The following SBNO1 variants were observed in gnomAD, a reference collection of about 807,000 sequenced individuals.
SBNO1 encodes the protein protein strawberry notch homolog 1.
A neutral mutation model predicts 173.6 loss-of-function variants in SBNO1; 23 were observed. That is an observed-to-expected ratio of 0.13 (90% CI 0.10 to 0.19). The LOEUF (loss-of-function observed/expected upper bound fraction) is 0.19. Among genes scored for constraint, SBNO1 ranks in the 10% least tolerant of loss-of-function variants. The pLI, the probability that SBNO1 is intolerant of heterozygous loss-of-function variation, is 1.00. For missense variants in SBNO1, 1,238 were observed against 1,671.2 expected, an observed-to-expected ratio of 0.74 and a Z score of 4.52; for synonymous variants, 632 against 571.5, an observed-to-expected ratio of 1.11 and a Z score of -1.51.
At chr12:123,311,027 T>C (rs375721664) in intron 25 of SBNO1, 28 bp downstream of exon 25, 18 of 1,479,016 alleles carry the variant, frequency 1.2e-5, no homozygotes, top group Non-Finnish European at 1.6e-5. Context: ...GCAACAGTTA[T>C]ATGCCCACAC....
rs769920860 is a variant in SBNO1, at chr12:123,341,070, G to A, written c.569C>T (p.Thr190Ile). 5 of 1,581,662 alleles carry A rather than the reference G, an allele frequency of 3.2e-6. No homozygotes were observed. The highest frequency in any genetic ancestry group is 4.3e-6 in the Non-Finnish European group (5 of 1,162,558). The change falls in exon 5 of 32, where the codon ACA (threonine) becomes ATA (isoleucine). Residue 190 changes from threonine (T) to isoleucine (I), a missense_variant. Physicochemically the swap from Thr to Ile is moderately conservative, Grantham distance 89 (BLOSUM62 -1). Coordinates refer to ENST00000602398, the MANE Select transcript of SBNO1 (RefSeq NM_001167856.3). ...TTTATTAGAAGACTCTTTCTTTACT[G>A]TACCATTGCTTACATCAGCTGAGGA... ...ATAATDVSNG[T>I]VKKESSNKEG... is the part of the protein sequence containing the mutation.
intron 20 of SBNO1, 139 bp from the exon 21 acceptor site, chr12:123,317,495 T>TCC: frequency 1.3e-6 from 1 of 749,756 alleles, no homozygotes; most frequent in Non-Finnish European, 2.1e-6. Context: ...TTTCCCAGTC[T>TCC]CCCTTACGGC....
At chr12:123,362,856 C>T (rs1055912830) in intron 1 of SBNO1, among the ~76,000 whole-genome samples, 2 of 151,022 alleles carry the variant, frequency 1.3e-5, no homozygotes, top group Admixed American at 1.3e-4. Context: ...GAAGCGGAGG[C>T]CAGAAGATTG....
chr12:123,304,620 A>T lies in SBNO1; in HGVS notation c.3730T>A (p.Leu1244Ile), dbSNP rs1270703275. The change falls in exon 29 of 32, where the codon TTA (leucine) becomes ATA (isoleucine). Residue 1244 changes from leucine (L) to isoleucine (I), a missense_variant. Coordinates refer to ENST00000602398, the MANE Select transcript of SBNO1 (RefSeq NM_001167856.3). ...TTTTTTAGATCAGCATAAATTTCTA[A>T]TTTGAGCTGCTTCCCAGTATTTGGT... is the stretch of plus-strand genomic sequence containing the variant. ...YRPNTGKQLK[L>I]EIYADLKKKY... is the part of the protein sequence containing the mutation. The T allele has an allele frequency of 3.2e-6, 5 of 1,569,194 alleles. No individual in the cohort carries two copies. Among genetic ancestry groups the T allele is most frequent in the Non-Finnish European group, 3.5e-6 (4 of 1,140,196 alleles).
intron 1 of SBNO1, among the ~76,000 whole-genome samples, chr12:123,350,742 A>C (rs1431193420): frequency 6.6e-6 from 1 of 152,254 alleles, no homozygotes; most frequent in Admixed American, 6.5e-5. Flanking sequence ...TAAAGATGAC[A>C]ATGCAGCAGA....
intron 15 of SBNO1, 114 bp from the exon 16 acceptor site, chr12:123,323,945 C>T (rs767850302): frequency 1.3e-5 from 10 of 767,866 alleles, no homozygotes; most frequent in Non-Finnish European, 1.8e-5. Context: ...TACTGATAAA[C>T]GAGCTCAAAT....
chr12:123,345,549 T>C lies in SBNO1; in HGVS notation c.259A>G (p.Thr87Ala), dbSNP rs1566049816. 21 of 1,613,666 alleles carry C rather than the reference T, an allele frequency of 1.3e-5. No homozygotes were observed. Among genetic ancestry groups the C allele is most frequent in the Non-Finnish European group, 1.8e-5 (21 of 1,179,582 alleles). The change falls in exon 4 of 32, where the codon ACA becomes GCA. Residue 87 changes from threonine (T) to alanine (A), a missense_variant. Thr to Ala is a moderately conservative substitution (Grantham distance 58). This residue lies in a region of SBNO1 where 287 missense variants were observed against 274.1 expected (regional missense o/e 1.05). Coordinates refer to ENST00000602398, the MANE Select transcript of SBNO1 (RefSeq NM_001167856.3). ...NVRQQPPSTT[T>A]FVLNQINHLP... ...TGATTTATTTGATTCAGCACAAATG[T>C]TGTAGTAGATGGAGGCTGCTGCTAG...
chr12:123,308,593 T>C (rs2048980504), intron 28 of SBNO1, among the ~76,000 whole-genome samples: 1 of 151,982 alleles, frequency 6.6e-6, no homozygotes, highest in Non-Finnish European at 1.5e-5. Flanking sequence ...GAGAATGGCA[T>C]GAACCCGGGA....
At chr12:123,358,742 C>CAAAAAA (rs1164585887) in intron 1 of SBNO1, among the ~76,000 whole-genome samples, 8 of 78,400 alleles carry the variant, frequency 1.0e-4, no homozygotes, top group East Asian at 4.4e-4. Context: ...GACTCCGTCT[C>CAAAAAA]AAAAAAAAAA....
rs1286744963 is a variant in SBNO1 at position 123,326,159 on chromosome 12, T to C, written c.1868A>G (p.Asn623Ser). The change falls in exon 14 of 32, where the codon AAT (asparagine) becomes AGT (serine). Residue 623 changes from asparagine to serine, a missense_variant. Around this residue, in one of 14 missense-constraint regions of SBNO1, gnomAD observed 182 missense variants for 339.9 expected, o/e 0.54. Transcript: ENST00000602398. ...VVQLAREEIK[N>S]GKCVVIGLQS... is the part of the protein sequence containing the mutation. ...ATGAGTTCTTCTACTTACTTTTCCA[T>C]TCTTGATTTCCTCTCGAGCTAGTTG... 3.1e-6 allele frequency: 5 copies of C among 1,605,202 alleles called. No individual in the cohort carries two copies. The African/African-American group carries it at 4.0e-5, about 13-fold the overall frequency.
At chr12:123,362,421 G>A (rs1281567531) in intron 1 of SBNO1, among the ~76,000 whole-genome samples, 1 of 106,062 alleles carries the variant, frequency 9.4e-6, no homozygotes, top group Non-Finnish European at 1.7e-5. Context: ...GGGCCACTGA[G>A]CGAGACTCCG....
chr12:123,341,300 C>G (rs1336703879), intron 4 of SBNO1, among the ~76,000 whole-genome samples: 1 of 151,844 alleles, frequency 6.6e-6, no homozygotes, highest in African/African-American at 2.4e-5. Context: ...AATACAGAAA[C>G]AAGCTGGGCG....
At chr12:123,358,183 G>A (rs1874684989) in intron 1 of SBNO1, among the ~76,000 whole-genome samples, 1 of 152,186 alleles carries the variant, frequency 6.6e-6, no homozygotes, top group Non-Finnish European at 1.5e-5. Context: ...CCTGAAGATA[G>A]TTTTATACAG....
At chr12:123,350,480 A>G in intron 1 of SBNO1, 39 bp from the exon 2 acceptor site, 1 of 1,517,796 alleles carries the variant, frequency 6.6e-7, no homozygotes, top group East Asian at 2.2e-5. Context: ...TAAAAAACAA[A>G]AAGTGACAAA....
At chr12:123,329,334 T>C (rs1054138032) in intron 9 of SBNO1, among the ~76,000 whole-genome samples, 3 of 151,234 alleles carry the variant, frequency 2.0e-5, no homozygotes, top group Admixed American at 6.6e-5. Context: ...TGAGCCGAGA[T>C]TGTGCCACTG....
intron 9 of SBNO1, among the ~76,000 whole-genome samples, chr12:123,330,172 C>T (rs990139854): frequency 4.6e-5 from 7 of 152,192 alleles, no homozygotes; most frequent in African/African-American, 1.7e-4. Flanking sequence ...CTTGAGAGCA[C>T]ATCTCAATTT....
intron 30 of SBNO1, among the ~76,000 whole-genome samples, chr12:123,299,681 C>CAAAA (rs538218167): frequency 0.51 from 48,031 of 93,300 alleles, 14,104 homozygotes; most frequent in East Asian, 0.72. Context: ...ACTCTGTCTT[C>CAAAA]AAAAAAAAAA....
chr12:123,308,367 A>T (rs1272896658), intron 28 of SBNO1, among the ~76,000 whole-genome samples: 1 of 152,118 alleles, frequency 6.6e-6, no homozygotes. Flanking sequence ...CTTATGAAAA[A>T]TGCTTAATTT....
intron 23 of SBNO1, among the ~76,000 whole-genome samples, chr12:123,314,422 C>T (rs1362255712): frequency 6.6e-6 from 1 of 151,582 alleles, no homozygotes; most frequent in Non-Finnish European, 1.5e-5. Context: ...CTCTGCATCC[C>T]AGGTTGAAGT....
Sources: gnomAD v4.1 joint callset for allele counts (sites outside exome capture counted in the v4.1 genomes callset) on GRCh38, gnomAD v4.1.1 for gene constraint, gnomAD v4.1.1 regional missense constraint, MANE v1.5 for transcripts, NCBI Gene and HGNC (gene_info 2026-07-23, HGNC 2026-07-21) for gene names.